CFAP299: variants seen among roughly 807,000 people sequenced by gnomAD.
CFAP299 encodes cilia and flagella associated protein 299.
A neutral mutation model predicts 27.0 loss-of-function variants in CFAP299; 21 were observed. The observed-to-expected ratio is 0.78, with a 90% confidence interval of 0.55 to 1.12. The LOEUF is 1.12. Ranked by LOEUF, CFAP299 falls within the 50% of genes most tolerant of loss-of-function variation. The probability of loss-of-function intolerance (pLI) is 0.00; values close to 1 mark genes in which losing one functional copy is unlikely to be tolerated. For synonymous variants in CFAP299, 104 were observed against 98.1 expected (o/e 1.06, Z -0.36); for missense variants, 310 against 276.6 (o/e 1.12, Z -0.86).
intron 3 of CFAP299, among the ~76,000 whole-genome samples, chr4:80,792,814 T>A (rs2110100070): frequency 6.6e-6 from 1 of 152,222 alleles, no homozygotes; most frequent in East Asian, 1.9e-4. Context: ...AAATAAAAAC[T>A]TGGTTATCTA....
chr4:80,353,326 TAA>T (rs1266437753), intron 1 of CFAP299, among the ~76,000 whole-genome samples: 1 of 152,196 alleles, frequency 6.6e-6, no homozygotes, highest in Non-Finnish European at 1.5e-5. Context: ...GGCCCTGTTA[TAA>T]ATTATCTCAC....
At chr4:80,477,154 C>T (rs937423919) in intron 2 of CFAP299, among the ~76,000 whole-genome samples, 2 of 152,066 alleles carry the variant, frequency 1.3e-5, no homozygotes, top group East Asian at 3.9e-4. Flanking sequence ...CCTCAACCTC[C>T]CAAGCTCAAG....
rs545414876 is a variant in CFAP299, at chr4:80,467,494, C to A, written c.242+104610C>A. ...ACTCTACCTTTATTGTAAACTCACC[C>A]GCCTCCTCAATCTTTTCAAAGAAAG... On this transcript the variant is annotated intron_variant, in intron 2 of 5. Coordinates refer to ENST00000358105, the MANE Select transcript of CFAP299 (RefSeq NM_152770.3). Among the ~76,000 whole-genome samples the A allele has an allele frequency of 2.0e-5, 3 of 152,248 alleles. No homozygotes were observed. The South Asian group carries it at 6.2e-4, about 32-fold the overall frequency.
At chr4:80,478,173 G>A (rs1041253196) in intron 2 of CFAP299, among the ~76,000 whole-genome samples, 2 of 152,156 alleles carry the variant, frequency 1.3e-5, no homozygotes, top group Non-Finnish European at 2.9e-5. Flanking sequence ...CGTACCTGGT[G>A]TATTGTATGC....
chr4:80,518,219 T>C (rs1006941331), intron 2 of CFAP299, among the ~76,000 whole-genome samples: 1 of 152,102 alleles, frequency 6.6e-6, no homozygotes, highest in Non-Finnish European at 1.5e-5. Flanking sequence ...GAAATGATGC[T>C]GAGAGCAAAA....
At chr4:80,913,489 T>C (rs1735582339) in intron 4 of CFAP299, among the ~76,000 whole-genome samples, 1 of 152,174 alleles carries the variant, frequency 6.6e-6, no homozygotes, top group Admixed American at 6.6e-5. Context: ...TAGGTTTCCC[T>C]CCATTAGTTT....
At chr4:80,882,842 G>C (rs1224893413) in intron 4 of CFAP299, among the ~76,000 whole-genome samples, 1 of 152,098 alleles carries the variant, frequency 6.6e-6, no homozygotes, top group African/African-American at 2.4e-5. Context: ...AAATGAAGGA[G>C]AGAGAAAAAC....
chr4:80,597,372 C>T (rs1047699368), intron 3 of CFAP299, among the ~76,000 whole-genome samples: 10 of 152,080 alleles, frequency 6.6e-5, no homozygotes, highest in African/African-American at 2.2e-4. Flanking sequence ...TTCTGAAAAG[C>T]GTCTATTCAC....
intron 3 of CFAP299, among the ~76,000 whole-genome samples, chr4:80,767,143 T>A (rs1470493147): frequency 6.6e-6 from 1 of 152,078 alleles, no homozygotes; most frequent in African/African-American, 2.4e-5. Context: ...TTGTATGTAT[T>A]TTCCTCTATG....
intron 2 of CFAP299, among the ~76,000 whole-genome samples, chr4:80,532,295 G>C (rs1163090978): frequency 6.6e-6 from 1 of 152,104 alleles, no homozygotes; most frequent in East Asian, 1.9e-4. Flanking sequence ...CATGTAGAAG[G>C]ATGCAGCATT....
intron 3 of CFAP299, among the ~76,000 whole-genome samples, chr4:80,719,225 A>C (rs1722675583): frequency 6.6e-6 from 1 of 152,158 alleles, no homozygotes; most frequent in Non-Finnish European, 1.5e-5. Context: ...TAATCTGTAC[A>C]AAAAACCCCC....
chr4:80,917,960 A>C (rs1049810787), intron 4 of CFAP299, among the ~76,000 whole-genome samples: 1 of 152,226 alleles, frequency 6.6e-6, no homozygotes, highest in African/African-American at 2.4e-5. Flanking sequence ...AATCATTTGT[A>C]TGAAATGATA....
intron 3 of CFAP299, among the ~76,000 whole-genome samples, chr4:80,838,665 G>A (rs1421976120): frequency 6.6e-6 from 1 of 152,044 alleles, no homozygotes; most frequent in Non-Finnish European, 1.5e-5. Context: ...GGTTAATGTA[G>A]CCTTATAGTG....
chr4:80,787,713 A>G (rs927503757), intron 3 of CFAP299, among the ~76,000 whole-genome samples: 1 of 152,032 alleles, frequency 6.6e-6, no homozygotes, highest in Admixed American at 6.6e-5. Flanking sequence ...GGCCTAAAAT[A>G]TTTAAGGCAT....
intron 3 of CFAP299, among the ~76,000 whole-genome samples, chr4:80,828,174 T>C (rs1368145444): frequency 6.6e-6 from 1 of 151,966 alleles, no homozygotes; most frequent in Non-Finnish European, 1.5e-5. Flanking sequence ...GACATTTTTT[T>C]TTGCAAAAAT....
chr4:80,506,070 C>T (rs1454348284), intron 2 of CFAP299, among the ~76,000 whole-genome samples: 2 of 151,510 alleles, frequency 1.3e-5, no homozygotes, highest in East Asian at 3.9e-4. Flanking sequence ...TTTGAACGTG[C>T]TTATTTTGTC....
intron 2 of CFAP299, among the ~76,000 whole-genome samples, chr4:80,367,629 T>C (rs1381907723): frequency 6.6e-6 from 1 of 152,112 alleles, no homozygotes; most frequent in African/African-American, 2.4e-5. Context: ...TCTCCTAGCT[T>C]TCTCGTCCTT....
intron 2 of CFAP299, among the ~76,000 whole-genome samples, chr4:80,505,227 C>G (rs1016716864): frequency 6.6e-6 from 1 of 151,896 alleles, no homozygotes; most frequent in Non-Finnish European, 1.5e-5. Flanking sequence ...AGATTAGGTA[C>G]TGATTTACTT....
intron 2 of CFAP299, among the ~76,000 whole-genome samples, chr4:80,450,937 G>C (rs963149939): frequency 2.6e-5 from 4 of 151,650 alleles, no homozygotes; most frequent in African/African-American, 9.7e-5. Flanking sequence ...GCATTTGGGT[G>C]TGTGAGAGGA....
Sources: allele counts gnomAD v4.1 joint callset (sites outside exome capture counted in the v4.1 genomes callset), GRCh38; gene constraint gnomAD v4.1.1; transcripts MANE v1.5; gene names NCBI Gene and HGNC (gene_info 2026-07-23, HGNC 2026-07-21).